The following TMEFF1 variants were observed in gnomAD, a reference collection of about 807,000 sequenced individuals.
TMEFF1 encodes the protein transmembrane protein with EGF like and two follistatin like domains 1.
A neutral mutation model predicts 47.5 loss-of-function variants in TMEFF1; 20 were observed. The ratio of observed to expected loss-of-function variants is 0.42; its 90% CI spans 0.30 to 0.61. The LOEUF (loss-of-function observed/expected upper bound fraction) is 0.61. Ranked by LOEUF, TMEFF1 falls within the 20% of genes least tolerant of loss-of-function variation. The pLI, the probability that TMEFF1 is intolerant of heterozygous loss-of-function variation, is 0.19. For synonymous variants in TMEFF1, 162 were observed against 166.3 expected, an observed-to-expected ratio of 0.97 and a Z score of 0.20; for missense variants, 411 against 471.1, an observed-to-expected ratio of 0.87 and a Z score of 1.18.
At position 100,551,791 on chromosome 9, in the gene TMEFF1, A is replaced by G. The variant is rs184044041; in HGVS notation, c.775+1631A>G. ...TCTTTAAAGTTCTTGTGATGTAGTA[A>G]ATGCAGATAACCAACTTCTAACAAA... On this transcript the variant is annotated intron_variant, in intron 7 of 9. Transcript: ENST00000374879. Among the ~76,000 whole-genome samples, 638 of 152,334 alleles carry G rather than the reference A, an allele frequency of 4.2e-3. 1 individual carries two copies. Among genetic ancestry groups the G allele is most frequent in the African/African-American group, 0.015 (605 of 41,572 alleles).
chr9:100,551,852 TA>T (rs1838832345), intron 7 of TMEFF1, among the ~76,000 whole-genome samples: 1 of 152,188 alleles, frequency 6.6e-6, no homozygotes, highest in African/African-American at 2.4e-5. Flanking sequence ...GTATACAGTT[TA>T]AAAGTGCAAT....
Position 100,576,373 on chromosome 9 carries a change from GATACCATCT to G in TMEFF1, c.1059-142_1059-134del. Reference sequence around the variant, plus strand: ...TTCATCTTCATCTTGTCTTGCAACAGATACCATCTCATTTCCCTTTCATGTAATTGCTTG... The same window carrying G: ...TTCATCTTCATCTTGTCTTGCAACAGCATTTCCCTTTCATGTAATTGCTTG... On this transcript the variant is annotated intron_variant, in intron 9 of 9. Transcript: ENST00000374879. The G allele has an allele frequency of 2.9e-6, 3 of 1,041,212 alleles. No individual in the cohort carries two copies. In the South Asian group the frequency reaches 5.1e-5, roughly 18 times the overall value. 64.5% of individuals were successfully genotyped at this position (1,041,212 alleles called of 1,614,324 possible).
intron 1 of TMEFF1, among the ~76,000 whole-genome samples, chr9:100,495,520 T>C (rs1368298630): frequency 1.3e-5 from 2 of 152,206 alleles, no homozygotes; most frequent in Non-Finnish European, 2.9e-5. Flanking sequence ...AATTCATCAC[T>C]AATTGTTGCA....
chr9:100,531,117 C>T (rs2118449313), intron 5 of TMEFF1, among the ~76,000 whole-genome samples: 1 of 152,164 alleles, frequency 6.6e-6, no homozygotes, highest in East Asian at 1.9e-4. Context: ...ATGACAAACC[C>T]ACAGCCAATA....
chr9:100,513,805 A>G (rs898512857), intron 4 of TMEFF1, among the ~76,000 whole-genome samples: 1 of 152,184 alleles, frequency 6.6e-6, no homozygotes, highest in South Asian at 2.1e-4. Flanking sequence ...AGGAATTTTC[A>G]TGGTACAGGG....
intron 1 of TMEFF1, among the ~76,000 whole-genome samples, chr9:100,497,854 G>A (rs756700980): frequency 3.3e-5 from 5 of 151,936 alleles, no homozygotes; most frequent in African/African-American, 4.8e-5. Context: ...AGCAGAATCA[G>A]GAGTTAATCT....
At chr9:100,513,410 T>TTTTTTTTTTTA (rs1564014652) in intron 4 of TMEFF1, 77 bp downstream of exon 4, 4 of 1,225,270 alleles carry the variant, frequency 3.3e-6, no homozygotes, top group Non-Finnish European at 2.2e-6. Context: ...TTTTTTTTTT[T>TTTTTTTTTTTA]AAATCAGCTT....
At chr9:100,493,089 C>G (rs1011992961) in intron 1 of TMEFF1, among the ~76,000 whole-genome samples, 1 of 152,000 alleles carries the variant, frequency 6.6e-6, no homozygotes, top group Non-Finnish European at 1.5e-5. Context: ...CCTCTCCCCC[C>G]CACAGGATGT....
At chr9:100,497,914 G>GTT (rs76597614) in intron 1 of TMEFF1, among the ~76,000 whole-genome samples, 3 of 142,592 alleles carry the variant, frequency 2.1e-5, no homozygotes, top group Admixed American at 7.0e-5. Flanking sequence ...CACTGGGATG[G>GTT]TTTTTTTTTT....
intron 7 of TMEFF1, among the ~76,000 whole-genome samples, chr9:100,556,428 G>C (rs1464626658): frequency 6.6e-6 from 1 of 152,096 alleles, no homozygotes; most frequent in African/African-American, 2.4e-5. Flanking sequence ...GGTTAGTGCT[G>C]GGTACCACTC....
intron 8 of TMEFF1, among the ~76,000 whole-genome samples, chr9:100,564,442 G>T (rs560925181): frequency 3.3e-5 from 5 of 152,290 alleles, no homozygotes; most frequent in African/African-American, 1.2e-4. Context: ...TGATATTGGG[G>T]TGTCAAATTC....
At chr9:100,541,581 C>T (rs988648138) in intron 5 of TMEFF1, among the ~76,000 whole-genome samples, 1 of 151,808 alleles carries the variant, frequency 6.6e-6, no homozygotes, top group African/African-American at 2.4e-5. Context: ...ACTACGTTGG[C>T]CAGGTGGGTC....
chr9:100,523,017 C>T (rs181036252), intron 5 of TMEFF1, among the ~76,000 whole-genome samples: 3 of 152,298 alleles, frequency 2.0e-5, no homozygotes, highest in East Asian at 1.9e-4. Flanking sequence ...GGATTGCAGG[C>T]GTGGGCTACC....
At chr9:100,567,614 A>G (rs1336912423) in intron 8 of TMEFF1, among the ~76,000 whole-genome samples, 4 of 152,190 alleles carry the variant, frequency 2.6e-5, no homozygotes, top group Non-Finnish European at 4.4e-5. Flanking sequence ...GTGTGAATGA[A>G]TTCACACGTG....
chr9:100,513,720 C>G (rs1215050626), intron 4 of TMEFF1, among the ~76,000 whole-genome samples: 1 of 152,036 alleles, frequency 6.6e-6, no homozygotes, highest in African/African-American at 2.4e-5. Context: ...TTGCATCATC[C>G]CCACAAGTGA....
chr9:100,477,815 T>C (rs544837016), intron 1 of TMEFF1, among the ~76,000 whole-genome samples: 4 of 152,022 alleles, frequency 2.6e-5, no homozygotes, highest in South Asian at 2.1e-4. Context: ...TTAGTAGATA[T>C]GGGGTTTCAC....
chr9:100,546,885 T>C (rs1238848089), intron 5 of TMEFF1, among the ~76,000 whole-genome samples: 2 of 152,224 alleles, frequency 1.3e-5, no homozygotes, highest in Non-Finnish European at 2.9e-5. Context: ...TTCTCTGTAG[T>C]ACAACACTCA....
At chr9:100,530,302 T>G (rs539499172) in intron 5 of TMEFF1, among the ~76,000 whole-genome samples, 66 of 152,064 alleles carry the variant, frequency 4.3e-4, no homozygotes, top group African/African-American at 1.5e-3. Flanking sequence ...CAGGAGCTGG[T>G]TTTTTGAAAG....
chr9:100,503,804 C>T (rs1837809453), intron 2 of TMEFF1, among the ~76,000 whole-genome samples: 2 of 152,272 alleles, frequency 1.3e-5, no homozygotes, highest in Non-Finnish European at 2.9e-5. Context: ...ATAGTGCCCA[C>T]TCACACTGGG....
Sources: allele counts gnomAD v4.1 joint callset (sites outside exome capture counted in the v4.1 genomes callset), GRCh38; gene constraint gnomAD v4.1.1; transcripts MANE v1.5; gene names NCBI Gene and HGNC (gene_info 2026-07-23, HGNC 2026-07-21).